The following PRUNE2 variants were observed in gnomAD, a reference collection of about 807,000 sequenced individuals.
PRUNE2 encodes protein prune homolog 2.
A neutral mutation model predicts 252.0 loss-of-function variants in PRUNE2; 164 were observed. The ratio of observed to expected loss-of-function variants is 0.65; its 90% CI spans 0.57 to 0.74. The LOEUF (loss-of-function observed/expected upper bound fraction) is 0.74, where lower values mean the gene tolerates loss of function less well. Among genes scored for constraint, PRUNE2 ranks in the 30% least tolerant of loss-of-function variants. PRUNE2 has a pLI of 0.00. For synonymous variants in PRUNE2, 1,292 were observed against 1,350.2 expected (o/e 0.96, Z 0.94); for missense variants, 3,495 against 3,711.0 (o/e 0.94, Z 1.51).
chr9:76,791,278 A>G (rs965891726), intron 6 of PRUNE2, among the ~76,000 whole-genome samples: 8 of 138,690 alleles, frequency 5.8e-5, no homozygotes, highest in Middle Eastern at 3.7e-3. Context: ...TACTGCACCA[A>G]TTATCATTGG....
At chr9:76,864,938 T>C (rs1027919939) in intron 1 of PRUNE2, among the ~76,000 whole-genome samples, 1 of 152,220 alleles carries the variant, frequency 6.6e-6, no homozygotes, top group African/African-American at 2.4e-5. Context: ...TCAAGGACCA[T>C]GTGGTCCCTG....
chr9:76,662,235 T>C (rs2039235509), intron 9 of PRUNE2, among the ~76,000 whole-genome samples: 1 of 152,190 alleles, frequency 6.6e-6, no homozygotes, highest in South Asian at 2.1e-4. Context: ...TGCTAAATCT[T>C]TGCACCTTCT....
chr9:76,741,424 G>A (rs1330020235), intron 6 of PRUNE2, among the ~76,000 whole-genome samples: 3 of 152,162 alleles, frequency 2.0e-5, no homozygotes, highest in African/African-American at 7.2e-5. Flanking sequence ...AATATACTGT[G>A]GAGTCCTAAT....
intron 5 of PRUNE2, among the ~76,000 whole-genome samples, chr9:76,824,578 C>A (rs2058232538): frequency 6.6e-6 from 1 of 152,070 alleles, no homozygotes; most frequent in African/African-American, 2.4e-5. Flanking sequence ...GTCAGTTGAC[C>A]AATGGAACTC....
At chr9:76,840,833 T>C (rs973741260) in intron 4 of PRUNE2, among the ~76,000 whole-genome samples, 2 of 152,010 alleles carry the variant, frequency 1.3e-5, no homozygotes, top group African/African-American at 2.4e-5. Context: ...ACACAAAAAT[T>C]AGCCGGGCTT....
chr9:76,868,448 C>T (rs1390649462), intron 1 of PRUNE2, among the ~76,000 whole-genome samples: 1 of 152,164 alleles, frequency 6.6e-6, no homozygotes, highest in Admixed American at 6.5e-5. Flanking sequence ...GTTTACTGTG[C>T]CCACCATCCC....
At chr9:76,893,014 T>C (rs1394415757) in intron 1 of PRUNE2, among the ~76,000 whole-genome samples, 4 of 152,188 alleles carry the variant, frequency 2.6e-5, no homozygotes, top group African/African-American at 9.7e-5. Context: ...AGATCCTTCA[T>C]GACAAAGAAC....
At chr9:76,846,819 C>CGGGA in intron 3 of PRUNE2, 141 bp from the exon 4 acceptor site, 1 of 633,732 alleles carries the variant, frequency 1.6e-6, no homozygotes, top group Non-Finnish European at 2.7e-6. Flanking sequence ...ACTCAGAAGA[C>CGGGA]GGGAGCCTTA....
chr9:76,849,623 C>G (rs537342991), intron 3 of PRUNE2, among the ~76,000 whole-genome samples: 1 of 152,142 alleles, frequency 6.6e-6, no homozygotes, highest in Admixed American at 6.5e-5. Flanking sequence ...GTCAGGAGTT[C>G]AAGACCAGCC....
chr9:76,742,623 AAAAG>A (rs1291800862), intron 6 of PRUNE2, among the ~76,000 whole-genome samples: 4 of 152,182 alleles, frequency 2.6e-5, no homozygotes, highest in Non-Finnish European at 1.5e-5. Context: ...TCTCAAAAAA[AAAAG>A]AAAGAAAGAA....
intron 6 of PRUNE2, among the ~76,000 whole-genome samples, chr9:76,799,142 A>C (rs1305818198): frequency 6.6e-6 from 1 of 152,126 alleles, no homozygotes; most frequent in Non-Finnish European, 1.5e-5. Flanking sequence ...GGAGTTTGAG[A>C]CCAGCCTGGC....
At chr9:76,733,245 A>T (rs770588871) in intron 6 of PRUNE2, among the ~76,000 whole-genome samples, 2 of 152,206 alleles carry the variant, frequency 1.3e-5, no homozygotes, top group African/African-American at 4.8e-5. Context: ...CATGGACTGA[A>T]GTGCTACTGC....
chr9:76,614,453 A>G lies in PRUNE2; in HGVS notation c.*117T>C. On this transcript the variant is annotated 3_prime_UTR_variant, in exon 19 of 19. Transcript: ENST00000376718. ...TCTATTTTTCCCCTTAGAAATTTAG[A>G]ATGGCACCAGGTAGTGCAAAGTGGA... 1 of 792,118 alleles carries G rather than the reference A, an allele frequency of 1.3e-6. No homozygotes were observed. Among genetic ancestry groups the G allele is most frequent in the South Asian group, 1.6e-5 (1 of 61,724 alleles). 49.1% of individuals were successfully genotyped at this position (792,118 alleles called of 1,614,324 possible).
At chr9:76,717,840 C>CA (rs2047293012) in intron 6 of PRUNE2, among the ~76,000 whole-genome samples, 1 of 152,218 alleles carries the variant, frequency 6.6e-6, no homozygotes, top group African/African-American at 2.4e-5. Flanking sequence ...CTCCCTGTCA[C>CA]AGCCCTTTGT....
In PRUNE2 at chr9:76,871,054, T is replaced by C. The variant is rs916340247; in HGVS notation, c.37-16846A>G. Among the ~76,000 whole-genome samples the C allele has an allele frequency of 3.3e-5, 5 of 152,210 alleles. No individual in the cohort carries two copies. The South Asian group carries it at 1.0e-3, about 32-fold the overall frequency. ...CTGTGTGGGAATCCTACGTTATCCCTATGTGACAGATAAATTTGGTCCATA... is the reference window on the plus strand; with the variant it reads ...CTGTGTGGGAATCCTACGTTATCCCCATGTGACAGATAAATTTGGTCCATA... On this transcript the variant is annotated intron_variant, in intron 1 of 18. Coordinates refer to ENST00000376718, the MANE Select transcript of PRUNE2 (RefSeq NM_015225.3).
At chr9:76,679,108 G>A (rs1239302040) in intron 9 of PRUNE2, among the ~76,000 whole-genome samples, 1 of 152,144 alleles carries the variant, frequency 6.6e-6, no homozygotes, top group Admixed American at 6.5e-5. Context: ...ATATGCCTCA[G>A]TTTCCTTATC....
chr9:76,833,188 C>A (rs1477478760), intron 4 of PRUNE2, among the ~76,000 whole-genome samples: 1 of 151,912 alleles, frequency 6.6e-6, no homozygotes, highest in African/African-American at 2.4e-5. Flanking sequence ...TAAACTAATA[C>A]TAGTTTTTAA....
Position 76,711,243 on chromosome 9 carries a change from T to G in PRUNE2, c.1031A>C (p.Gln344Pro). The G allele has an allele frequency of 6.2e-7, 1 of 1,613,934 alleles. No individual in the cohort carries two copies. Among genetic ancestry groups the G allele is most frequent in the Non-Finnish European group, 8.5e-7 (1 of 1,179,870 alleles). The change falls in exon 8 of 19, where the codon CAG becomes CCG. Residue 344 changes from glutamine (Q) to proline (P), a missense_variant. Transcript: ENST00000376718. The stretch of plus-strand genomic sequence containing the variant: ...GACTTCCTTGACAACGAGAACCACC[T>G]GATCACAAGTCACTGAAGGGTCCTC... ...QQEDPSVTCD[Q>P]VVLVVKEVIN...
At chr9:76,849,879 T>C (rs952202331) in intron 3 of PRUNE2, among the ~76,000 whole-genome samples, 4 of 152,066 alleles carry the variant, frequency 2.6e-5, no homozygotes, top group Non-Finnish European at 5.9e-5. Context: ...ATTTGGTCAA[T>C]TTTATAAGAA....
Sources: allele counts gnomAD v4.1 joint callset (sites outside exome capture counted in the v4.1 genomes callset), GRCh38; gene constraint gnomAD v4.1.1; transcripts MANE v1.5; gene names NCBI Gene and HGNC (gene_info 2026-07-23, HGNC 2026-07-21).